Variants in PRKG1 observed in about 807,000 individuals in gnomAD.
The protein encoded by PRKG1 is protein kinase cGMP-dependent 1.
Under a neutral mutation model 88.1 loss-of-function variants are expected in PRKG1, and 35 were observed. The observed-to-expected ratio is 0.40, with a 90% CI of 0.30 to 0.53. PRKG1 has a LOEUF of 0.53. Ranked by LOEUF, PRKG1 falls within the 20% of genes least tolerant of loss-of-function variation. The probability of loss-of-function intolerance (pLI) is 0.59; values close to 1 mark genes in which losing one functional copy is unlikely to be tolerated. For missense variants in PRKG1, 540 were observed against 839.8 expected (o/e 0.64, Z 4.41); for synonymous variants, 303 against 292.5 (o/e 1.04, Z -0.37).
At chr10:51,630,751 G>A (rs1380777551) in intron 3 of PRKG1, among the ~76,000 whole-genome samples, 4 of 152,278 alleles carry the variant, frequency 2.6e-5, no homozygotes, top group South Asian at 4.1e-4. Context: ...AAAGAGGAAC[G>A]TGTGCTATCT....
intron 3 of PRKG1, among the ~76,000 whole-genome samples, chr10:51,773,252 G>A (rs1198695525): frequency 6.6e-6 from 1 of 152,046 alleles, no homozygotes; most frequent in East Asian, 1.9e-4. Context: ...ATATTGATTT[G>A]TATTATACCA....
intron 3 of PRKG1, among the ~76,000 whole-genome samples, chr10:51,741,759 G>A (rs145096196): frequency 1.3e-5 from 2 of 151,914 alleles, no homozygotes; most frequent in South Asian, 2.1e-4. Context: ...GGGATCCTAC[G>A]GTAAAAAATA....
chr10:52,291,125 G>A (rs969652664), intron 17 of PRKG1, among the ~76,000 whole-genome samples: 3 of 151,884 alleles, frequency 2.0e-5, no homozygotes, highest in African/African-American at 7.2e-5. Flanking sequence ...GTTTCACCAT[G>A]TTGGCCAGGC....
intron 2 of PRKG1, among the ~76,000 whole-genome samples, chr10:51,423,465 T>C (rs1838478001): frequency 6.6e-6 from 1 of 152,148 alleles, no homozygotes. Flanking sequence ...TTTTCCCTAT[T>C]TCTGGTTCAT....
chr10:52,215,314 A>G (rs530463301), intron 9 of PRKG1, among the ~76,000 whole-genome samples: 1 of 151,906 alleles, frequency 6.6e-6, no homozygotes, highest in Non-Finnish European at 1.5e-5. Flanking sequence ...GAATTTCTTG[A>G]ACCTGGAAGG....
intron 3 of PRKG1, among the ~76,000 whole-genome samples, chr10:51,684,896 AT>A (rs1840947345): frequency 6.6e-6 from 1 of 151,954 alleles, no homozygotes; most frequent in Admixed American, 6.6e-5. Context: ...AGTTTTATGG[AT>A]TTCTTATAAA....
chr10:51,106,460 T>C (rs1348155436), intron 1 of PRKG1, among the ~76,000 whole-genome samples: 2 of 152,184 alleles, frequency 1.3e-5, no homozygotes, highest in African/African-American at 4.8e-5. Flanking sequence ...AGAAACTCCC[T>C]AATGAAATTT....
chr10:51,025,293 G>A (rs10822114), intron 1 of PRKG1, among the ~76,000 whole-genome samples: 36,316 of 152,066 alleles, frequency 0.24, 4,415 homozygotes, highest in Non-Finnish European at 0.26. Flanking sequence ...TTGAGAAAGC[G>A]CGGTATGTGT....
chr10:52,276,868 G>C (rs1221357276), intron 12 of PRKG1, among the ~76,000 whole-genome samples: 1 of 152,176 alleles, frequency 6.6e-6, no homozygotes, highest in Non-Finnish European at 1.5e-5. Context: ...AAATCCACAA[G>C]TTATCTACAT....
intron 5 of PRKG1, among the ~76,000 whole-genome samples, chr10:52,005,363 G>A (rs1245662189): frequency 6.6e-6 from 1 of 150,532 alleles, no homozygotes; most frequent in African/African-American, 2.4e-5. Context: ...CAAAGTGCTA[G>A]GATTACAGTC....
At chr10:51,391,883 G>C (rs4935245) in intron 2 of PRKG1, among the ~76,000 whole-genome samples, 19,683 of 152,158 alleles carry the variant, frequency 0.13, 1,455 homozygotes, top group Admixed American at 0.24. Context: ...ACTCTATCTG[G>C]ATAAAAATAA....
intron 8 of PRKG1, among the ~76,000 whole-genome samples, chr10:52,155,064 A>G (rs1838055018): frequency 6.6e-6 from 1 of 152,044 alleles, no homozygotes; most frequent in South Asian, 2.1e-4. Flanking sequence ...GGTTGGTTCC[A>G]TATTTTTGCA....
chr10:51,662,956 G>A (rs1324195091), intron 3 of PRKG1, among the ~76,000 whole-genome samples: 1 of 152,068 alleles, frequency 6.6e-6, no homozygotes, highest in Admixed American at 6.6e-5. Flanking sequence ...GAAAGACTTA[G>A]TAGGCTCTAC....
intron 5 of PRKG1, among the ~76,000 whole-genome samples, chr10:52,053,285 A>T (rs1334793623): frequency 6.6e-6 from 1 of 152,150 alleles, no homozygotes; most frequent in Non-Finnish European, 1.5e-5. Context: ...GAGTAAAAAA[A>T]CTAGCAAATT....
chr10:51,491,868 G>A (rs1259802457), intron 3 of PRKG1, among the ~76,000 whole-genome samples: 2 of 152,040 alleles, frequency 1.3e-5, no homozygotes, highest in African/African-American at 4.8e-5. Flanking sequence ...TATACACTAA[G>A]TCTTGTAGAA....
At chr10:51,593,825 A>G (rs192963845) in intron 3 of PRKG1, among the ~76,000 whole-genome samples, 1 of 152,054 alleles carries the variant, frequency 6.6e-6, no homozygotes, top group Non-Finnish European at 1.5e-5. Context: ...CCCAGGTTCA[A>G]GTGATTCTCC....
At chr10:51,942,521 C>T (rs1285341278) in intron 5 of PRKG1, among the ~76,000 whole-genome samples, 4 of 150,744 alleles carry the variant, frequency 2.7e-5, no homozygotes, top group African/African-American at 9.9e-5. Flanking sequence ...ACTTGAAGTC[C>T]TTGCCCATGC....
Position 51,015,433 on chromosome 10 carries a change from A to C in PRKG1, c.266+23789A>C, listed in dbSNP as rs200232338. Among the ~76,000 whole-genome samples the C allele has an allele frequency of 6.6e-5, 10 of 152,222 alleles. No homozygotes were observed. In the East Asian group the frequency reaches 9.6e-4, roughly 15 times the overall value. ...AAAAGAGCATCCCCATTAACTTTGA[A>C]GGCTAGTAGGAATTCTTAGACCTCA... On this transcript the variant is annotated intron_variant, in intron 1 of 17. Transcript: ENST00000401604.
chr10:51,205,312 C>T (rs533785573), intron 2 of PRKG1, among the ~76,000 whole-genome samples: 2 of 149,286 alleles, frequency 1.3e-5, no homozygotes, highest in African/African-American at 2.5e-5. Flanking sequence ...CTAATTTTTC[C>T]GTTTTTGTGA....
Sources: allele counts gnomAD v4.1 joint callset (sites outside exome capture counted in the v4.1 genomes callset), GRCh38; gene constraint gnomAD v4.1.1; transcripts MANE v1.5; gene names NCBI Gene and HGNC (gene_info 2026-07-23, HGNC 2026-07-21).